The following CPAMD8 variants were observed in gnomAD, a reference collection of about 807,000 sequenced individuals.
CPAMD8 encodes the protein C3 and PZP like alpha-2-macroglobulin domain containing 8.
CPAMD8 carries 146 observed loss-of-function variants against 224.7 expected under a neutral mutation model. That is an observed-to-expected ratio of 0.65 (90% CI 0.57 to 0.75). The LOEUF is 0.75. Among genes scored for constraint, CPAMD8 ranks in the 30% least tolerant of loss-of-function variants. CPAMD8 has a pLI of 0.00. For synonymous variants in CPAMD8, 966 were observed against 1,044.6 expected (o/e 0.92, Z 1.45); for missense variants, 2,301 against 2,537.5 (o/e 0.91, Z 2.00).
In CPAMD8 at chr19:16,897,309, C is replaced by G. The variant is rs2052057379; in HGVS notation, c.5065+382G>C. On this transcript the variant is annotated intron_variant, in intron 39 of 41. Transcript: ENST00000443236. ...CACTGAACACACCCGCCCTCAACCC[C>G]GCACCCTCCGCACTCACCTCCCCCT... 6 of 245,136 alleles carry G rather than the reference C, an allele frequency of 2.4e-5. No homozygotes were observed. The South Asian group carries it at 3.8e-4, about 15-fold the overall frequency. The allele number at this position is 245,136 out of a possible 1,614,324, so 15.2% of individuals were successfully genotyped here.
In CPAMD8 at chr19:16,925,239, G is replaced by GA; in HGVS notation, c.3503dup (p.Ser1169GlnfsTer3). 6.2e-7 allele frequency: 1 copy of GA among 1,614,228 alleles called. No individual in the cohort carries two copies. The highest frequency in any genetic ancestry group is 8.5e-7 in the Non-Finnish European group (1 of 1,180,040). On this transcript the variant is annotated frameshift_variant, in exon 26 of 42. Transcript: ENST00000443236. LOFTEE classifies it high-confidence loss of function. ...TGGTCTCTCTCTCCACCTCAGGGCT[G>GA]AGCTGCTGGGTTTTCTGAAGATACT...
intron 12 of CPAMD8, 112 bp downstream of exon 12, chr19:16,993,304 C>T (rs2056016967): frequency 1.2e-6 from 1 of 805,246 alleles, no homozygotes; most frequent in South Asian, 1.7e-5. Flanking sequence ...TGTACTCCTG[C>T]AGGGCTGGGA....
chr19:17,026,636 C>T lies in CPAMD8; in HGVS notation c.7G>A (p.Gly3Ser), dbSNP rs1397184606. 6.9e-7 allele frequency: 1 copy of T among 1,454,962 alleles called. No individual in the cohort carries two copies. Among genetic ancestry groups the T allele is most frequent in the Non-Finnish European group, 9.0e-7 (1 of 1,111,446 alleles). 90.1% of individuals were successfully genotyped at this position (1,454,962 alleles called of 1,614,324 possible). Residue 3 changes from glycine to serine, a missense_variant, in exon 1 of 42, where the codon GGC (glycine) becomes AGC (serine). By Grantham distance (56) the Gly-to-Ser change is moderately conservative. Around this residue, in one of 4 missense-constraint regions of CPAMD8, gnomAD observed 283 missense variants for 340.6 expected, o/e 0.83. Transcript: ENST00000443236. The part of the protein sequence containing the change: MS[G>S]ALLWPLLPLL... ...GGGAGCAACGGCCAGAGCAGGGCGC[C>T]GCTCATTTTTCGGCTCCTGGGGGGC...
At chr19:16,950,793 GAAA>G (rs757775739) in intron 20 of CPAMD8, among the ~76,000 whole-genome samples, 103 of 45,866 alleles carry the variant, frequency 2.2e-3, no homozygotes, top group African/African-American at 7.7e-3. Context: ...ACCCTGTCTC[GAAA>G]AAAAAAAAAA....
chr19:16,928,456 T>C (rs2053443093), intron 24 of CPAMD8, among the ~76,000 whole-genome samples: 1 of 152,190 alleles, frequency 6.6e-6, no homozygotes. Context: ...CCAAAGTCAT[T>C]GGGCTCCTTG....
chr19:16,944,826 G>A (rs1221467396), intron 22 of CPAMD8, among the ~76,000 whole-genome samples: 1 of 152,190 alleles, frequency 6.6e-6, no homozygotes, highest in Non-Finnish European at 1.5e-5. Context: ...CAGCAGGGAG[G>A]GAGAGCAGCT....
rs373455163 is a variant in CPAMD8, at chr19:16,932,000, G to A, written c.2846-2760C>T. 2.8e-4 allele frequency among the ~76,000 whole-genome samples: 43 copies of A among 152,050 alleles called. 1 individual carries two copies. The highest frequency in any genetic ancestry group is 9.9e-4 in the African/African-American group (41 of 41,454). Reference sequence around the variant, plus strand: ...GCGACTGTTACACCAAACACCAAACGTATAGACATCACTGTAAGAACACAA... The same window carrying A: ...GCGACTGTTACACCAAACACCAAACATATAGACATCACTGTAAGAACACAA... On this transcript the variant is annotated intron_variant, in intron 23 of 41. Coordinates refer to ENST00000443236, the MANE Select transcript of CPAMD8 (RefSeq NM_015692.5).
intron 5 of CPAMD8, 73 bp downstream of exon 5, chr19:17,011,391 T>A: frequency 1.3e-6 from 2 of 1,506,158 alleles, no homozygotes; most frequent in Non-Finnish European, 9.2e-7. Context: ...AAGACCCGTT[T>A]CCGATGGTGG....
intron 18 of CPAMD8, among the ~76,000 whole-genome samples, chr19:16,968,888 T>C (rs2054951857): frequency 6.6e-6 from 1 of 152,174 alleles, no homozygotes; most frequent in Non-Finnish European, 1.5e-5. Flanking sequence ...TCTGCCTGCC[T>C]TGGCCTTCCA....
rs745682500 is a variant in CPAMD8, at chr19:16,980,636, A to G, written c.1446T>C (p.Phe482=). The G allele has an allele frequency of 3.1e-6, 5 of 1,596,538 alleles. No homozygotes were observed. Among genetic ancestry groups the G allele is most frequent in the Middle Eastern group, 1.7e-4 (1 of 5,998 alleles). Residue 482 remains phenylalanine, a synonymous_variant, in exon 14 of 42, where the codon TTT becomes TTC. Transcript: ENST00000443236. ...FSVKSTCPCN[F]TLYYEVAARG... ...GTGCAGCCACCTCGTAGTACAGGGT[A>G]AAGTTGCAGGGACATGTGGACTTCA... is the stretch of plus-strand genomic sequence containing the variant.
rs555937199 is a variant in CPAMD8, at chr19:16,896,935, C to A, written c.5066-270G>T. On this transcript the variant is annotated intron_variant, in intron 39 of 41. Transcript: ENST00000443236. ...AGGGCGTCCTGTCTGGGCCGCCCTG[C>A]AACAACAGCCCCGTCCCCTGCCGCG... 2.4e-5 allele frequency: 8 copies of A among 339,968 alleles called. No homozygotes were observed. In the East Asian group the frequency reaches 2.7e-4, roughly 12 times the overall value. The allele number at this position is 339,968 out of a possible 1,614,324, so 21.1% of individuals were successfully genotyped here. A position where few individuals can be genotyped will look rare whatever the true frequency, so the allele number is the denominator to read the frequency against.
chr19:16,980,753 G>A (rs1233639941), intron 13 of CPAMD8, 67 bp from the exon 14 acceptor site: 9 of 1,302,096 alleles, frequency 6.9e-6, no homozygotes, highest in South Asian at 3.1e-5. Flanking sequence ...ACAGGAAGAC[G>A]GCCATTCTGG....
At chr19:16,979,577 T>C (rs1247591531) in intron 14 of CPAMD8, among the ~76,000 whole-genome samples, 1 of 151,336 alleles carries the variant, frequency 6.6e-6, no homozygotes, top group Non-Finnish European at 1.5e-5. Flanking sequence ...CATCCATCCA[T>C]CCTTCCATCT....
At chr19:17,009,159 G>A in intron 6 of CPAMD8, 144 bp downstream of exon 6, 6 of 1,399,602 alleles carry the variant, frequency 4.3e-6, no homozygotes, top group Non-Finnish European at 6.0e-6. Flanking sequence ...CCAGGGACCA[G>A]GATAGAAGAG....
intron 22 of CPAMD8, among the ~76,000 whole-genome samples, chr19:16,941,027 T>C (rs2053871405): frequency 6.6e-6 from 1 of 152,146 alleles, no homozygotes; most frequent in Non-Finnish European, 1.5e-5. Context: ...GCCTCCCAGG[T>C]TCAAGCAATT....
intron 22 of CPAMD8, among the ~76,000 whole-genome samples, chr19:16,943,470 A>G (rs2053973211): frequency 6.6e-6 from 1 of 151,848 alleles, no homozygotes; most frequent in Admixed American, 6.6e-5. Context: ...TGGCATAATC[A>G]TAGCTCACTG....
Position 17,026,659 on chromosome 19 carries a change from G to T in CPAMD8, c.-17C>A, listed in dbSNP as rs1168448113. The T allele has an allele frequency of 1.7e-5, 24 of 1,401,358 alleles. No individual in the cohort carries two copies. The highest frequency in any genetic ancestry group is 2.5e-4 in the Middle Eastern group (1 of 3,974). 86.8% of individuals were successfully genotyped at this position (1,401,358 alleles called of 1,614,324 possible). ...GCCGCTCATTTTTCGGCTCCTGGGG[G>T]GCGCCGCGCCTGGGGAGGGGGCCGG... On this transcript the variant is annotated 5_prime_UTR_variant, in exon 1 of 42. Coordinates refer to ENST00000443236, the MANE Select transcript of CPAMD8 (RefSeq NM_015692.5).
rs2054998855 is a variant in CPAMD8 at position 16,970,049 on chromosome 19, A to G, written c.2213+842T>C. ...GGAGATCGAGACCATCCTGGCTAACACAGTGAAACCCCGTCTCTACTAAAA... is the reference window on the plus strand; with the variant it reads ...GGAGATCGAGACCATCCTGGCTAACGCAGTGAAACCCCGTCTCTACTAAAA... On this transcript the variant is annotated intron_variant, in intron 18 of 41. Coordinates refer to ENST00000443236, the MANE Select transcript of CPAMD8 (RefSeq NM_015692.5). Among the ~76,000 whole-genome samples the G allele has an allele frequency of 2.0e-5, 3 of 150,628 alleles. No homozygotes were observed. In the South Asian group the frequency reaches 6.3e-4, roughly 32 times the overall value.
In CPAMD8 at chr19:16,952,883, T is replaced by C. The variant is rs542047140; in HGVS notation, c.2277-683A>G. Among the ~76,000 whole-genome samples the C allele has an allele frequency of 2.9e-4, 44 of 152,282 alleles. 1 individual carries two copies. The highest frequency in any genetic ancestry group is 7.7e-4 in the East Asian group (4 of 5,192). On this transcript the variant is annotated intron_variant, in intron 19 of 41. Coordinates refer to ENST00000443236, the MANE Select transcript of CPAMD8 (RefSeq NM_015692.5). ...TTTTGCAGAAATAGAAAACTCCACC[T>C]TGAGATTTTACATGGATCTCAAGGG... is the stretch of plus-strand genomic sequence containing the variant.
Sources: gnomAD v4.1 joint callset for allele counts (sites outside exome capture counted in the v4.1 genomes callset) on GRCh38, gnomAD v4.1.1 for gene constraint, gnomAD v4.1.1 regional missense constraint, MANE v1.5 for transcripts, NCBI Gene and HGNC (gene_info 2026-07-23, HGNC 2026-07-21) for gene names.